The following KCNU1 variants were observed in gnomAD, a reference collection of about 807,000 sequenced individuals.
KCNU1 encodes potassium calcium-activated channel subfamily U member 1.
In KCNU1, 93 loss-of-function variants were observed where a neutral mutation model predicts 126.8. The observed-to-expected ratio is 0.73, with a 90% CI of 0.62 to 0.87. The LOEUF is 0.87. Among genes scored for constraint, KCNU1 ranks in the 40% least tolerant of loss-of-function variants. The pLI is 0.00. For missense variants in KCNU1, 1,330 were observed against 1,367.1 expected, an observed-to-expected ratio of 0.97 and a Z score of 0.43; for synonymous variants, 523 against 494.2, an observed-to-expected ratio of 1.06 and a Z score of -0.77.
intron 10 of KCNU1, among the ~76,000 whole-genome samples, chr8:36,826,559 T>A (rs1003824410): frequency 4.6e-5 from 7 of 152,148 alleles, no homozygotes; most frequent in African/African-American, 1.7e-4. Flanking sequence ...TCTTCCCTTT[T>A]TATATCTCTG....
At position 36,836,820 on chromosome 8, in the gene KCNU1, A is replaced by T. The variant is rs1301449160; in HGVS notation, c.1393A>T (p.Asn465Tyr). 1 of 1,613,738 alleles carries T rather than the reference A, an allele frequency of 6.2e-7. No individual in the cohort carries two copies. The highest frequency in any genetic ancestry group is 8.5e-7 in the Non-Finnish European group (1 of 1,179,808). The change falls in exon 14 of 27, where the codon AAC becomes TAC. Residue 465 changes from asparagine (N) to tyrosine (Y), a missense_variant. By Grantham distance (143) the Asn-to-Tyr change is moderately radical. Around this residue, in one of 3 missense-constraint regions of KCNU1, gnomAD observed 1,054 missense variants for 1,053.9 expected, o/e 1.00. Transcript: ENST00000399881. ...KVYLPKIPSW[N>Y]WDTGDNIICF... Reference sequence around the variant, plus strand: ...TTATCTGCCAAAGATTCCCAGCTGGAACTGGGACACCGGAGACAACATCAT... The same window carrying T: ...TTATCTGCCAAAGATTCCCAGCTGGTACTGGGACACCGGAGACAACATCAT...
rs537148730 is a variant in KCNU1, at chr8:36,840,371, A to G, written c.1519-92A>G. 9.9e-5 allele frequency: 65 copies of G among 654,952 alleles called. No individual in the cohort carries two copies. The East Asian group carries it at 1.7e-3, about 17-fold the overall frequency. The allele number at this position is 654,952 out of a possible 1,614,324, so 40.6% of individuals were successfully genotyped here. A position where few individuals can be genotyped will look rare whatever the true frequency, so the allele number is the denominator to read the frequency against. On this transcript the variant is annotated intron_variant, in intron 14 of 26. Transcript: ENST00000399881. ...TTTTTATGACTTACATGCAATGAAG[A>G]CTTGTTTGTGCTTAGCAGAATATGC...
intron 19 of KCNU1, among the ~76,000 whole-genome samples, chr8:36,896,976 T>G (rs2117470477): frequency 6.6e-6 from 1 of 152,110 alleles, no homozygotes; most frequent in Admixed American, 6.6e-5. Context: ...CATCTTCCAT[T>G]TACTCCACAA....
rs1176956391 is a variant in KCNU1, at chr8:36,863,704, A to G, written c.1892-700A>G. On this transcript the variant is annotated intron_variant, in intron 18 of 26. Transcript: ENST00000399881. ...GAACTGCATGATTGTATATCAACAT[A>G]TGGGTTCAGGAAGAAGTAATGGCTC... Among the ~76,000 whole-genome samples, 9 of 152,102 alleles carry G rather than the reference A, an allele frequency of 5.9e-5. No homozygotes were observed. In the East Asian group the frequency reaches 1.7e-3, roughly 29 times the overall value.
At chr8:36,891,995 A>G (rs1222664744) in intron 19 of KCNU1, among the ~76,000 whole-genome samples, 1 of 152,126 alleles carries the variant, frequency 6.6e-6, no homozygotes, top group Non-Finnish European at 1.5e-5. Flanking sequence ...TATGTAAGTT[A>G]ATGTTTTCAT....
intron 12 of KCNU1, among the ~76,000 whole-genome samples, chr8:36,835,525 G>C (rs1421159619): frequency 1.4e-4 from 22 of 151,954 alleles, no homozygotes; most frequent in Non-Finnish European, 2.4e-4. Context: ...ATTTTTAGTA[G>C]AGATGGGGTT....
chr8:36,868,087 G>T (rs763783420), intron 19 of KCNU1, among the ~76,000 whole-genome samples: 4 of 152,134 alleles, frequency 2.6e-5, no homozygotes, highest in Non-Finnish European at 5.9e-5. Context: ...TTAGATGGTG[G>T]TATATCCTTG....
At chr8:36,881,624 C>G (rs1018155805) in intron 19 of KCNU1, among the ~76,000 whole-genome samples, 3 of 152,110 alleles carry the variant, frequency 2.0e-5, no homozygotes, top group Non-Finnish European at 4.4e-5. Context: ...GTACAAAGTA[C>G]TGGCATATTA....
At chr8:36,932,081 C>G (rs1047429061) in intron 25 of KCNU1, among the ~76,000 whole-genome samples, 3 of 152,096 alleles carry the variant, frequency 2.0e-5, no homozygotes, top group East Asian at 1.9e-4. Context: ...CCAGGTAGAA[C>G]AGTATACCTG....
intron 22 of KCNU1, among the ~76,000 whole-genome samples, chr8:36,914,321 T>A (rs973837908): frequency 6.6e-6 from 1 of 152,194 alleles, no homozygotes; most frequent in Admixed American, 6.5e-5. Context: ...GAGGCAGTTT[T>A]GATTTTCACC....
intron 23 of KCNU1, among the ~76,000 whole-genome samples, chr8:36,921,232 C>A (rs969186221): frequency 2.0e-5 from 3 of 152,134 alleles, no homozygotes; most frequent in African/African-American, 7.2e-5. Context: ...CTGCTTTCCA[C>A]CAGGTGACAT....
chr8:36,829,963 C>G (rs1804470541), intron 10 of KCNU1, among the ~76,000 whole-genome samples: 1 of 150,312 alleles, frequency 6.7e-6, no homozygotes, highest in Non-Finnish European at 1.5e-5. Flanking sequence ...TTATATCTAA[C>G]CACATAAATT....
At chr8:36,789,182 C>T (rs903797048) in intron 2 of KCNU1, among the ~76,000 whole-genome samples, 1 of 151,960 alleles carries the variant, frequency 6.6e-6, no homozygotes, top group Non-Finnish European at 1.5e-5. Context: ...ATAGCAAGAC[C>T]TCACCTCTAC....
rs1216764036 is a variant in KCNU1 at position 36,892,780 on chromosome 8, G to A, written c.2010-12928G>A. ...TGACACTTTAGCAGTTTACATCTTT[G>A]CCTAAGCCTTCATTTTTGGTTTGTG... On this transcript the variant is annotated intron_variant, in intron 19 of 26. Coordinates refer to ENST00000399881, the MANE Select transcript of KCNU1 (RefSeq NM_001031836.3). 3.3e-5 allele frequency among the ~76,000 whole-genome samples: 5 copies of A among 151,948 alleles called. No homozygotes were observed. The East Asian group carries it at 9.7e-4, about 30-fold the overall frequency.
At chr8:36,871,033 G>T (rs921352099) in intron 19 of KCNU1, among the ~76,000 whole-genome samples, 1 of 152,060 alleles carries the variant, frequency 6.6e-6, no homozygotes, top group African/African-American at 2.4e-5. Flanking sequence ...CCCTAGCAGG[G>T]CTATGTGTCT....
At chr8:36,837,965 C>T (rs1033328186) in intron 14 of KCNU1, among the ~76,000 whole-genome samples, 2 of 152,038 alleles carry the variant, frequency 1.3e-5, no homozygotes, top group Non-Finnish European at 2.9e-5. Context: ...CTGTTTCTTC[C>T]CTGGTGCTAT....
At chr8:36,895,329 T>C (rs1015153746) in intron 19 of KCNU1, among the ~76,000 whole-genome samples, 3 of 152,024 alleles carry the variant, frequency 2.0e-5, no homozygotes, top group Non-Finnish European at 2.9e-5. Context: ...TCTGCCCCCC[T>C]CAGCCTCCCA....
At position 36,921,930 on chromosome 8, in the gene KCNU1, C is replaced by G. The variant is rs76087539; in HGVS notation, c.2597-560C>G. Among the ~76,000 whole-genome samples the G allele has an allele frequency of 4.5e-4, 68 of 152,266 alleles. 1 individual carries two copies. Among genetic ancestry groups the G allele is most frequent in the African/African-American group, 1.5e-3 (62 of 41,564 alleles). The stretch of plus-strand genomic sequence containing the variant: ...TCTGGGAACTGGCTGGGCACGTAGA[C>G]TCTCAGCCCTCACCCTAGATCCAGT... On this transcript the variant is annotated intron_variant, in intron 23 of 26. Transcript: ENST00000399881.
At chr8:36,901,735 G>A (rs149251381) in intron 19 of KCNU1, among the ~76,000 whole-genome samples, 18 of 152,170 alleles carry the variant, frequency 1.2e-4, no homozygotes, top group Non-Finnish European at 2.4e-4. Context: ...TGTTGCTTGG[G>A]CAGTAAGAAG....
Sources: gnomAD v4.1 joint callset for allele counts (sites outside exome capture counted in the v4.1 genomes callset) on GRCh38, gnomAD v4.1.1 for gene constraint, gnomAD v4.1.1 regional missense constraint, MANE v1.5 for transcripts, NCBI Gene and HGNC (gene_info 2026-07-23, HGNC 2026-07-21) for gene names.